Variants in ITGA4 observed in about 807,000 individuals in gnomAD.
The protein encoded by ITGA4 is integrin subunit alpha 4.
In ITGA4, 63 loss-of-function variants were observed where a neutral mutation model predicts 133.6. The ratio of observed to expected loss-of-function variants is 0.47; its 90% CI spans 0.38 to 0.58. The LOEUF is 0.58. ITGA4 is among the 20% of genes least tolerant of loss of function. The pLI, the probability that ITGA4 is intolerant of heterozygous loss-of-function variation, is 0.00. For missense variants in ITGA4, 1,076 were observed against 1,252.7 expected, an observed-to-expected ratio of 0.86 and a Z score of 2.13; for synonymous variants, 483 against 438.0, an observed-to-expected ratio of 1.10 and a Z score of -1.28.
At chr2:181,489,251 A>G (rs936756360) in intron 10 of ITGA4, among the ~76,000 whole-genome samples, 20 of 152,188 alleles carry the variant, frequency 1.3e-4, no homozygotes, top group Non-Finnish European at 2.5e-4. Context: ...GGCATTTGTC[A>G]TATCACTTTT....
At chr2:181,526,820 CCTTT>C (rs1686838633) in intron 21 of ITGA4, among the ~76,000 whole-genome samples, 2 of 27,874 alleles carry the variant, frequency 7.2e-5, no homozygotes, top group African/African-American at 1.5e-4. Context: ...GAGCACATGG[CCTTT>C]TTTTTTTTTT....
chr2:181,473,434 C>T (rs1377853221), intron 2 of ITGA4, among the ~76,000 whole-genome samples: 1 of 152,196 alleles, frequency 6.6e-6, no homozygotes, highest in Non-Finnish European at 1.5e-5. Context: ...CGAAACCAGT[C>T]CTTGGTGCCA....
At chr2:181,460,513 TGAA>T (rs995023272) in intron 2 of ITGA4, among the ~76,000 whole-genome samples, 24 of 151,848 alleles carry the variant, frequency 1.6e-4, no homozygotes, top group African/African-American at 4.8e-4. Context: ...CTATTTTGTA[TGAA>T]GAAGTTTCAA....
Position 181,474,932 on chromosome 2 carries a change from C to T in ITGA4, c.320-28C>T, listed in dbSNP as rs202211489. ...CTTTTGTAGAATGTTTTCAATACAA[C>T]TGATAAAATTATTTTCACATGCTAT... On this transcript the variant is annotated intron_variant, in intron 2 of 27. Coordinates refer to ENST00000397033, the MANE Select transcript of ITGA4 (RefSeq NM_000885.6). 3.9e-6 allele frequency: 6 copies of T among 1,546,644 alleles called. No individual in the cohort carries two copies. The Admixed American group carries it at 1.0e-4, about 26-fold the overall frequency.
Position 181,535,626 on chromosome 2 carries a change from TTCTTTTAC to T in ITGA4, c.*102_*109del. 1 of 1,431,622 alleles carries T rather than the reference TTCTTTTAC, an allele frequency of 7.0e-7. No individual in the cohort carries two copies. 88.7% of individuals were successfully genotyped at this position (1,431,622 alleles called of 1,614,324 possible). ...AAGAAAAAATGAATTTTGTTTGGAC[TTCTTTTAC>T]TCATGATCTTGTGACATATTATGTC... On this transcript the variant is annotated 3_prime_UTR_variant, in exon 28 of 28. Transcript: ENST00000397033.
chr2:181,525,601 T>C (rs561867153), intron 21 of ITGA4, among the ~76,000 whole-genome samples: 5 of 152,292 alleles, frequency 3.3e-5, no homozygotes, highest in Admixed American at 2.6e-4. Flanking sequence ...AATCTGGAAT[T>C]AGGCAGTATG....
intron 2 of ITGA4, chr2:181,458,961 T>C (rs1685202588): frequency 2.6e-5 from 4 of 152,410 alleles, no homozygotes; most frequent in Admixed American, 2.6e-4. Flanking sequence ...AGTTGAAAAA[T>C]GTGTACTGAT....
At chr2:181,468,547 TATCTA>T (rs1287587744) in intron 2 of ITGA4, among the ~76,000 whole-genome samples, 5 of 152,138 alleles carry the variant, frequency 3.3e-5, no homozygotes, top group African/African-American at 1.2e-4. Flanking sequence ...CAAGGTCAAA[TATCTA>T]ATCTCCCATA....
In ITGA4 at chr2:181,521,667, C is replaced by G. The variant is rs557365980; in HGVS notation, c.1923-524C>G. Among the ~76,000 whole-genome samples, 9 of 152,250 alleles carry G rather than the reference C, an allele frequency of 5.9e-5. No homozygotes were observed. In the South Asian group the frequency reaches 1.7e-3, roughly 28 times the overall value. On this transcript the variant is annotated intron_variant, in intron 17 of 27. Coordinates refer to ENST00000397033, the MANE Select transcript of ITGA4 (RefSeq NM_000885.6). ...AGCTGCTTCACAATTTAATTCTAGT[C>G]CAACAGATTTTAGTGCCACGCACTT...
In ITGA4 at chr2:181,493,387, C is replaced by T. The variant is rs200340958; in HGVS notation, c.1216C>T (p.Arg406Cys). The change falls in exon 11 of 28, where the codon CGT becomes TGT. Residue 406 changes from arginine to cysteine, a missense_variant. By Grantham distance (180) the Arg-to-Cys change is radical. Transcript: ENST00000397033. ...LQGAIYIYNG[R>C]ADGISSTFSQ... The stretch of plus-strand genomic sequence containing the variant: ...AGGTGCTATTTATATTTACAATGGC[C>T]GTGCAGATGGGATCTCGTCAACCTT... The T allele has an allele frequency of 2.0e-5, 33 of 1,611,838 alleles. No individual in the cohort carries two copies. The highest frequency in any genetic ancestry group is 3.3e-5 in the South Asian group (3 of 90,946).
chr2:181,529,840 A>G (rs921257), intron 23 of ITGA4, among the ~76,000 whole-genome samples, 192 bp downstream of exon 23: 107,152 of 152,074 alleles, frequency 0.7, 38,134 homozygotes, highest in South Asian at 0.89. Context: ...CTTTAGAACT[A>G]TAGAGTTACA....
chr2:181,512,380 CTT>C (rs1686523653), intron 17 of ITGA4, among the ~76,000 whole-genome samples: 1 of 151,946 alleles, frequency 6.6e-6, no homozygotes, highest in African/African-American at 2.4e-5. Flanking sequence ...TTTGGAGGGA[CTT>C]TTCTATGTGG....
At chr2:181,533,589 T>G (rs1051636415) in intron 25 of ITGA4, among the ~76,000 whole-genome samples, 13 of 152,148 alleles carry the variant, frequency 8.5e-5, no homozygotes, top group African/African-American at 3.1e-4. Flanking sequence ...GACAGTTTCT[T>G]TAGACATTCC....
At chr2:181,489,056 A>T (rs887263831) in intron 10 of ITGA4, among the ~76,000 whole-genome samples, 1 of 151,730 alleles carries the variant, frequency 6.6e-6, no homozygotes, top group Non-Finnish European at 1.5e-5. Flanking sequence ...GTGTTTCTTT[A>T]TTACTTTGCC....
chr2:181,536,997 C>T lies in ITGA4; in HGVS notation c.*1470C>T, dbSNP rs1376513157. 2.2e-6 allele frequency: 1 copy of T among 449,642 alleles called. No individual in the cohort carries two copies. Among genetic ancestry groups the T allele is most frequent in the Non-Finnish European group, 4.4e-6 (1 of 224,938 alleles). 27.9% of individuals were successfully genotyped at this position (449,642 alleles called of 1,614,324 possible). The stretch of plus-strand genomic sequence containing the variant: ...TTGATGAAAGTTATCTGTTCACAGG[C>T]CTGCAGTGATGGTGAGGAATGTTCT... On this transcript the variant is annotated 3_prime_UTR_variant, in exon 28 of 28. Coordinates refer to ENST00000397033, the MANE Select transcript of ITGA4 (RefSeq NM_000885.6).
chr2:181,524,118 A>T, intron 19 of ITGA4, 53 bp from the exon 20 acceptor site: 1 of 1,219,304 alleles, frequency 8.2e-7, no homozygotes, highest in Non-Finnish European at 1.2e-6. Flanking sequence ...TCAGATTATA[A>T]AAAATGTACT....
intron 18 of ITGA4, among the ~76,000 whole-genome samples, chr2:181,522,785 A>T (rs1686747024): frequency 6.6e-6 from 1 of 152,204 alleles, no homozygotes; most frequent in Non-Finnish European, 1.5e-5. Flanking sequence ...CCACACCTTC[A>T]TACCAATAGT....
At chr2:181,489,034 A>G (rs1049150370) in intron 10 of ITGA4, among the ~76,000 whole-genome samples, 2 of 151,630 alleles carry the variant, frequency 1.3e-5, no homozygotes, top group African/African-American at 4.8e-5. Flanking sequence ...TTTACAAGTT[A>G]TTTTTCTTTA....
At chr2:181,534,476 G>A in intron 26 of ITGA4, 106 bp downstream of exon 26, 1 of 751,324 alleles carries the variant, frequency 1.3e-6, no homozygotes, top group Non-Finnish European at 2.3e-6. Context: ...AGTAGAGTGT[G>A]ACCAGCTCAT....
Sources: gnomAD v4.1 joint callset for allele counts (sites outside exome capture counted in the v4.1 genomes callset) on GRCh38, gnomAD v4.1.1 for gene constraint, MANE v1.5 for transcripts, NCBI Gene and HGNC (gene_info 2026-07-23, HGNC 2026-07-21) for gene names.